The following LSAMP variants were observed in gnomAD, a reference collection of about 807,000 sequenced individuals.
The protein encoded by LSAMP is limbic system associated membrane protein.
A neutral mutation model predicts 38.6 loss-of-function variants in LSAMP; 7 were observed. The observed-to-expected ratio is 0.18, with a 90% CI of 0.10 to 0.34. The LOEUF is 0.34. Ranked by LOEUF, LSAMP falls within the 10% of genes least tolerant of loss-of-function variation. The probability of loss-of-function intolerance (pLI) is 1.00; values close to 1 mark genes in which losing one functional copy is unlikely to be tolerated. For synonymous variants in LSAMP, 154 were observed against 166.8 expected, an observed-to-expected ratio of 0.92 and a Z score of 0.59; for missense variants, 313 against 420.0, an observed-to-expected ratio of 0.75 and a Z score of 2.23.
At chr3:116,296,570 C>T (rs1436405212) in intron 1 of LSAMP, among the ~76,000 whole-genome samples, 2 of 151,818 alleles carry the variant, frequency 1.3e-5, no homozygotes, top group African/African-American at 4.8e-5. Flanking sequence ...TGGCGGGCGC[C>T]CGTAGTCCCA....
chr3:116,260,924 C>A (rs980741624), intron 1 of LSAMP, among the ~76,000 whole-genome samples: 1 of 152,150 alleles, frequency 6.6e-6, no homozygotes, highest in African/African-American at 2.4e-5. Context: ...AGAGATAGAG[C>A]ATCACCTGGG....
At chr3:115,887,582 C>T (rs1936487965) in intron 3 of LSAMP, among the ~76,000 whole-genome samples, 1 of 151,840 alleles carries the variant, frequency 6.6e-6, no homozygotes, top group Non-Finnish European at 1.5e-5. Flanking sequence ...TTACATTTAA[C>T]CTGTTTCTCT....
At chr3:116,367,467 C>T (rs889004017) in intron 1 of LSAMP, among the ~76,000 whole-genome samples, 11 of 148,216 alleles carry the variant, frequency 7.4e-5, no homozygotes, top group Admixed American at 6.1e-4. Flanking sequence ...GAGAATGTTG[C>T]TTTCTCTTCT....
intron 6 of LSAMP, among the ~76,000 whole-genome samples, chr3:115,833,510 A>G (rs1156846679): frequency 2.0e-5 from 3 of 152,144 alleles, no homozygotes; most frequent in Non-Finnish European, 4.4e-5. Flanking sequence ...AAAATAATTA[A>G]AATATATTTG....
intron 1 of LSAMP, among the ~76,000 whole-genome samples, chr3:116,278,896 T>G (rs1048492644): frequency 6.6e-6 from 1 of 152,216 alleles, no homozygotes; most frequent in Non-Finnish European, 1.5e-5. Flanking sequence ...ATAGCTATGT[T>G]AGCCTAAAGT....
chr3:116,114,991 T>A (rs954469022), intron 1 of LSAMP, among the ~76,000 whole-genome samples: 1 of 152,234 alleles, frequency 6.6e-6, no homozygotes, highest in Non-Finnish European at 1.5e-5. Flanking sequence ...TAGGATTTTA[T>A]GAAGTGGAAT....
At chr3:115,989,232 A>AT (rs1559910162) in intron 3 of LSAMP, among the ~76,000 whole-genome samples, 2 of 152,292 alleles carry the variant, frequency 1.3e-5, no homozygotes, top group East Asian at 3.9e-4. Flanking sequence ...TGCTAACCAC[A>AT]TTCCTGGTGA....
chr3:115,966,641 T>G (rs1938824631), intron 3 of LSAMP, among the ~76,000 whole-genome samples: 1 of 152,202 alleles, frequency 6.6e-6, no homozygotes, highest in East Asian at 1.9e-4. Context: ...GATGGAAGAA[T>G]AGTTAATTTC....
chr3:115,961,646 C>T (rs560812828), intron 3 of LSAMP, among the ~76,000 whole-genome samples: 29 of 152,290 alleles, frequency 1.9e-4, no homozygotes, highest in African/African-American at 6.0e-4. Context: ...TTCCCTGAGG[C>T]GGCAATGAGA....
At chr3:115,843,850 A>G (rs964515982) in intron 4 of LSAMP, among the ~76,000 whole-genome samples, 1 of 152,210 alleles carries the variant, frequency 6.6e-6, no homozygotes, top group African/African-American at 2.4e-5. Context: ...TCACTGTCAG[A>G]GTTACAGCAC....
intron 1 of LSAMP, among the ~76,000 whole-genome samples, chr3:116,261,898 T>C (rs982442431): frequency 6.7e-6 from 1 of 149,344 alleles, no homozygotes; most frequent in African/African-American, 2.4e-5. Flanking sequence ...ATTAATAAAT[T>C]CTGATATATA....
Position 115,810,377 on chromosome 3 carries a change from A to G in LSAMP, c.957T>C (p.Ser319=). Residue 319 remains serine (S), a synonymous_variant, in exon 7 of 7, where the codon AGT becomes AGC. Coordinates refer to ENST00000490035, the MANE Select transcript of LSAMP (RefSeq NM_002338.5). ...GSVRGINGSI[S]LAVPLWLLAA... ...CCAGCAGCCACAGTGGTACGGCCAG[A>G]CTGATGGATCCATTTATTCCTCTCA... The G allele has an allele frequency of 6.2e-7, 1 of 1,613,748 alleles. No individual in the cohort carries two copies.
intron 1 of LSAMP, among the ~76,000 whole-genome samples, chr3:116,276,858 A>G (rs1403341681): frequency 2.0e-5 from 3 of 152,190 alleles, no homozygotes; most frequent in Non-Finnish European, 4.4e-5. Context: ...GCAGACAGGC[A>G]GTGACCGTTA....
intron 3 of LSAMP, among the ~76,000 whole-genome samples, chr3:115,950,443 G>A (rs987171306): frequency 2.6e-5 from 4 of 151,800 alleles, no homozygotes; most frequent in Non-Finnish European, 5.9e-5. Context: ...CATCAACAAC[G>A]ACCAAGCTGA....
chr3:116,406,802 A>G (rs2048903640), intron 1 of LSAMP, among the ~76,000 whole-genome samples: 2 of 152,070 alleles, frequency 1.3e-5, no homozygotes, highest in African/African-American at 2.4e-5. Flanking sequence ...AAATAAAGAG[A>G]GTAACAGGGA....
chr3:116,164,775 C>T (rs1225814729), intron 1 of LSAMP, among the ~76,000 whole-genome samples: 193 of 42,318 alleles, frequency 4.6e-3, no homozygotes, highest in Middle Eastern at 0.017. Flanking sequence ...TTTTTTTTTT[C>T]AAGTAGCATC....
intron 1 of LSAMP, among the ~76,000 whole-genome samples, chr3:116,294,124 G>A (rs1482404495): frequency 1.3e-5 from 2 of 151,904 alleles, no homozygotes; most frequent in East Asian, 1.9e-4. Flanking sequence ...CCACACACAC[G>A]CCCCTACTAC....
intron 6 of LSAMP, among the ~76,000 whole-genome samples, chr3:115,831,561 G>A (rs1394030143): frequency 6.6e-6 from 1 of 152,124 alleles, no homozygotes; most frequent in African/African-American, 2.4e-5. Context: ...AAACTGATGG[G>A]GAGAAATGTT....
chr3:115,839,258 T>C (rs866269087), intron 6 of LSAMP, among the ~76,000 whole-genome samples: 2,052 of 104,842 alleles, frequency 0.02, 59 homozygotes, highest in African/African-American at 0.044. Flanking sequence ...TCCTTCCTTC[T>C]TTCTTTCCTT....
Sources: allele counts gnomAD v4.1 joint callset (sites outside exome capture counted in the v4.1 genomes callset), GRCh38; gene constraint gnomAD v4.1.1; transcripts MANE v1.5; gene names NCBI Gene and HGNC (gene_info 2026-07-23, HGNC 2026-07-21).